The following RIMS2 variants were observed in gnomAD, a reference collection of about 807,000 sequenced individuals.
RIMS2 encodes regulating synaptic membrane exocytosis protein 2.
In RIMS2, 59 loss-of-function variants were observed where a neutral mutation model predicts 174.4. The ratio of observed to expected loss-of-function variants is 0.34; its 90% confidence interval spans 0.27 to 0.42. The LOEUF is 0.42. Ranked by LOEUF, RIMS2 falls within the 10% of genes least tolerant of loss-of-function variation. RIMS2 has a pLI of 1.00. For synonymous variants in RIMS2, 606 were observed against 572.5 expected (o/e 1.06, Z -0.84); for missense variants, 1,620 against 1,666.3 (o/e 0.97, Z 0.48).
At chr8:103,655,740 A>G (rs1036756752) in intron 1 of RIMS2, among the ~76,000 whole-genome samples, 9 of 152,102 alleles carry the variant, frequency 5.9e-5, no homozygotes, top group South Asian at 2.1e-4. Context: ...GTAGCAAGGG[A>G]CACAAAGAAG....
intron 14 of RIMS2, among the ~76,000 whole-genome samples, chr8:103,960,581 G>T (rs2089673227): frequency 6.6e-6 from 1 of 152,070 alleles, no homozygotes; most frequent in South Asian, 2.1e-4. Context: ...CCATGAGCAT[G>T]AAAAATAAGG....
intron 1 of RIMS2, among the ~76,000 whole-genome samples, chr8:103,619,808 G>T (rs2095593858): frequency 6.6e-6 from 1 of 151,908 alleles, no homozygotes; most frequent in Non-Finnish European, 1.5e-5. Flanking sequence ...CCGCATTTTG[G>T]CTACTCTACT....
chr8:103,837,350 T>C (rs1332822256), intron 3 of RIMS2, among the ~76,000 whole-genome samples: 2 of 152,228 alleles, frequency 1.3e-5, no homozygotes, highest in Admixed American at 6.5e-5. Flanking sequence ...GGCTTTTAGC[T>C]GGGGACAGCT....
chr8:103,607,334 C>G (rs2095152705), intron 1 of RIMS2, among the ~76,000 whole-genome samples: 1 of 151,992 alleles, frequency 6.6e-6, no homozygotes, highest in Non-Finnish European at 1.5e-5. Flanking sequence ...TTGGCCCCCA[C>G]TCTCTTCTGG....
chr8:104,169,304 CTATATATATATATATA>C (rs751636552), intron 19 of RIMS2, among the ~76,000 whole-genome samples: 60 of 87,526 alleles, frequency 6.9e-4, no homozygotes, highest in Non-Finnish European at 1.1e-3. Flanking sequence ...TTGTTGTTGG[CTATATATATATATATA>C]TATATATATA....
At chr8:104,214,762 A>G (rs1337167967) in intron 19 of RIMS2, among the ~76,000 whole-genome samples, 1 of 152,136 alleles carries the variant, frequency 6.6e-6, no homozygotes, top group African/African-American at 2.4e-5. Flanking sequence ...TTAACAGAGT[A>G]TCTTAAGTGG....
chr8:103,604,563 G>A (rs1401553763), intron 1 of RIMS2, among the ~76,000 whole-genome samples: 1 of 151,564 alleles, frequency 6.6e-6, no homozygotes, highest in Non-Finnish European at 1.5e-5. Flanking sequence ...GATGGGGATG[G>A]CATTCAATCT....
At chr8:103,572,300 T>C (rs1022903099) in intron 1 of RIMS2, among the ~76,000 whole-genome samples, 3 of 152,192 alleles carry the variant, frequency 2.0e-5, no homozygotes, top group Admixed American at 6.5e-5. Context: ...GGGTTGCTGC[T>C]GCTGGCTCGG....
At chr8:103,617,498 G>A (rs1312396410) in intron 1 of RIMS2, among the ~76,000 whole-genome samples, 2 of 151,988 alleles carry the variant, frequency 1.3e-5, no homozygotes, top group African/African-American at 4.8e-5. Flanking sequence ...AACAAAAGCA[G>A]AAATTGACAT....
At chr8:103,827,381 A>G (rs1005725087) in intron 3 of RIMS2, among the ~76,000 whole-genome samples, 2 of 152,184 alleles carry the variant, frequency 1.3e-5, no homozygotes, top group African/African-American at 4.8e-5. Flanking sequence ...TTGTTATGCT[A>G]TTCTGTGTAA....
At chr8:103,921,756 T>C (rs773137873) in exon 10 of RIMS2, 1 of 1,486,494 alleles carries the variant, frequency 6.7e-7, no homozygotes, top group South Asian at 1.1e-5. Flanking sequence ...TTGAGGGATG[T>C]CCCACAGTTC....
chr8:103,789,744 G>A (rs1399701995), intron 3 of RIMS2, among the ~76,000 whole-genome samples: 1 of 113,640 alleles, frequency 8.8e-6, no homozygotes, highest in East Asian at 2.6e-4. Flanking sequence ...ATGATGGATT[G>A]TACTCTTTTT....
intron 6 of RIMS2, among the ~76,000 whole-genome samples, chr8:103,914,272 T>C (rs527467093): frequency 1.3e-5 from 2 of 152,288 alleles, no homozygotes; most frequent in African/African-American, 4.8e-5. Context: ...ATGCCTATTA[T>C]AGTGTTAGAA....
At chr8:104,097,288 T>C (rs2130727454) in intron 19 of RIMS2, among the ~76,000 whole-genome samples, 1 of 152,256 alleles carries the variant, frequency 6.6e-6, no homozygotes, top group Admixed American at 6.5e-5. Context: ...CTTATACACA[T>C]AGCCTGAAGG....
At chr8:104,176,048 CTCTA>C (rs547693350) in intron 19 of RIMS2, among the ~76,000 whole-genome samples, 218 of 152,254 alleles carry the variant, frequency 1.4e-3, no homozygotes, top group Non-Finnish European at 2.7e-3. Flanking sequence ...CTCTGTGTTT[CTCTA>C]TCTGCAGTGC....
At chr8:104,090,158 A>C (rs2097619195) in intron 19 of RIMS2, among the ~76,000 whole-genome samples, 1 of 151,682 alleles carries the variant, frequency 6.6e-6, no homozygotes, top group African/African-American at 2.4e-5. Flanking sequence ...GCTGTGTGTG[A>C]ATAAAAGGCA....
intron 1 of RIMS2, among the ~76,000 whole-genome samples, chr8:103,566,672 G>C (rs555398171): frequency 1.2e-4 from 18 of 152,170 alleles, no homozygotes; most frequent in Non-Finnish European, 2.9e-5. Flanking sequence ...TAATTCCTTT[G>C]GAACAAGATG....
chr8:104,243,550 G>T (rs1270023464), intron 19 of RIMS2, among the ~76,000 whole-genome samples: 1 of 152,062 alleles, frequency 6.6e-6, no homozygotes, highest in Non-Finnish European at 1.5e-5. Context: ...GAAGGGCATG[G>T]TGGTGGTCAC....
intron 19 of RIMS2, among the ~76,000 whole-genome samples, chr8:104,197,401 C>A (rs982942637): frequency 2.6e-5 from 4 of 151,824 alleles, no homozygotes; most frequent in African/African-American, 4.8e-5. Context: ...GGCCTTGAAC[C>A]CCTGACCTCA....
Sources: gnomAD v4.1 joint callset for allele counts (sites outside exome capture counted in the v4.1 genomes callset) on GRCh38, gnomAD v4.1.1 for gene constraint, MANE v1.5 for transcripts, NCBI Gene and HGNC (gene_info 2026-07-23, HGNC 2026-07-21) for gene names.